WWC1: variants seen among roughly 807,000 people sequenced by gnomAD.
WWC1 encodes protein KIBRA.
WWC1 carries 55 observed loss-of-function variants against 138.4 expected under a neutral mutation model. The observed-to-expected ratio is 0.40, with a 90% confidence interval of 0.32 to 0.50. The LOEUF is 0.50. WWC1 is among the 20% of genes least tolerant of loss of function. The probability of loss-of-function intolerance (pLI) is 0.72; values close to 1 mark genes in which losing one functional copy is unlikely to be tolerated. For synonymous variants in WWC1, 524 were observed against 564.9 expected, an observed-to-expected ratio of 0.93 and a Z score of 1.03; for missense variants, 1,226 against 1,420.4, an observed-to-expected ratio of 0.86 and a Z score of 2.20.
chr5:168,461,569 T>A (rs1214406890), intron 20 of WWC1, among the ~76,000 whole-genome samples: 1 of 152,142 alleles, frequency 6.6e-6, no homozygotes, highest in Non-Finnish European at 1.5e-5. Flanking sequence ...AAGTCTCGCC[T>A]TTCCTAGTGG....
At chr5:168,393,115 G>GA (rs918388173) in intron 3 of WWC1, among the ~76,000 whole-genome samples, 123 of 150,222 alleles carry the variant, frequency 8.2e-4, no homozygotes, top group Middle Eastern at 3.4e-3. Flanking sequence ...AAAATAAGAG[G>GA]AAAAAAAAAT....
At chr5:168,304,685 G>C (rs1770392486) in intron 1 of WWC1, among the ~76,000 whole-genome samples, 1 of 152,166 alleles carries the variant, frequency 6.6e-6, no homozygotes, top group Non-Finnish European at 1.5e-5. Flanking sequence ...GCCCACTCAA[G>C]TCTGTAAACC....
intron 1 of WWC1, among the ~76,000 whole-genome samples, chr5:168,340,519 CT>C (rs576189869): frequency 4.3e-4 from 66 of 151,882 alleles, no homozygotes; most frequent in African/African-American, 1.5e-3. Flanking sequence ...TAGACAACCA[CT>C]AATATACTTT....
Position 168,357,243 on chromosome 5 carries a change from C to T in WWC1, c.120-14181C>T, listed in dbSNP as rs1775494452. ...TCATTTGGTGCCCACTCATAAGATG[C>T]TGAGGTTACAACTGTTAATAAGATA... is the stretch of plus-strand genomic sequence containing the variant. On this transcript the variant is annotated intron_variant, in intron 1 of 22. Transcript: ENST00000265293. Among the ~76,000 whole-genome samples the T allele has an allele frequency of 2.0e-5, 3 of 151,760 alleles. 1 individual carries two copies. The South Asian group carries it at 6.3e-4, about 32-fold the overall frequency.
At chr5:168,369,658 T>A (rs916134780) in intron 1 of WWC1, among the ~76,000 whole-genome samples, 1 of 152,196 alleles carries the variant, frequency 6.6e-6, no homozygotes, top group Non-Finnish European at 1.5e-5. Context: ...TAAATTACTA[T>A]CAGAAGCTTT....
intron 1 of WWC1, among the ~76,000 whole-genome samples, chr5:168,307,382 A>G (rs894583894): frequency 5.3e-5 from 8 of 151,964 alleles, no homozygotes; most frequent in Admixed American, 3.9e-4. Flanking sequence ...CACTGCTGTG[A>G]TTCCTTCATT....
At chr5:168,427,548 A>ATTTTTTTTTTTTTTTTTTTTTT (rs34177139) in intron 11 of WWC1, among the ~76,000 whole-genome samples, 1 of 101,150 alleles carries the variant, frequency 9.9e-6, no homozygotes, top group Non-Finnish European at 1.9e-5. Flanking sequence ...CTTTTTTTTA[A>ATTTTTTTTTTTTTTTTTTTTTT]TTTTTTTTTT....
At chr5:168,339,946 TCCCC>T (rs1253450008) in intron 1 of WWC1, among the ~76,000 whole-genome samples, 1 of 129,176 alleles carries the variant, frequency 7.7e-6, no homozygotes, top group East Asian at 2.9e-4. Flanking sequence ...TCTCTCTCTC[TCCCC>T]CTCTCCCTCT....
chr5:168,414,629 C>A (rs1376506810), intron 9 of WWC1, 39 bp downstream of exon 9: 6 of 1,517,638 alleles, frequency 4.0e-6, no homozygotes, highest in African/African-American at 1.4e-5. Context: ...ACCCTTCTCT[C>A]ACTGGCAGTC....
In WWC1 at chr5:168,409,985, G is replaced by A; in HGVS notation, c.931G>A (p.Ala311Thr). ...KVRLRLRYEE[A>T]KRRIANLKIQ... ...CAGATTGCGCCTTCGATATGAAGAG[G>A]CTAAGAGAAGGTAATTGGGCTGGGG... The change falls in exon 8 of 23, where the codon GCT becomes ACT. Residue 311 changes from alanine to threonine, a missense_variant. Ala to Thr is a moderately conservative substitution (Grantham distance 58). This residue lies in a region of WWC1 where 1,016 missense variants were observed against 1,153.9 expected (regional missense o/e 0.88). Coordinates refer to ENST00000265293, the MANE Select transcript of WWC1 (RefSeq NM_015238.3). 1 of 1,613,826 alleles carries A rather than the reference G, an allele frequency of 6.2e-7. No homozygotes were observed. Among genetic ancestry groups the A allele is most frequent in the Non-Finnish European group, 8.5e-7 (1 of 1,179,888 alleles).
rs1392312388 is a variant in WWC1 at position 168,371,405 on chromosome 5, T to G, written c.120-19T>G. 6.2e-7 allele frequency: 1 copy of G among 1,600,770 alleles called. No homozygotes were observed. The highest frequency in any genetic ancestry group is 1.3e-5 in the African/African-American group (1 of 74,746). ...GGGACTGTAGGCTGATGGAGTCTGTTTCTCCTCTCCCTTGCCAGGTACACC... is the reference window on the plus strand; with the variant it reads ...GGGACTGTAGGCTGATGGAGTCTGTGTCTCCTCTCCCTTGCCAGGTACACC... On this transcript the variant is annotated intron_variant, in intron 1 of 22. Transcript: ENST00000265293.
chr5:168,338,074 G>A (rs891981936), intron 1 of WWC1, among the ~76,000 whole-genome samples: 9 of 152,074 alleles, frequency 5.9e-5, no homozygotes, highest in Admixed American at 1.3e-4. Flanking sequence ...ACTTTGGGAG[G>A]CCAAGGTGGG....
intron 20 of WWC1, among the ~76,000 whole-genome samples, chr5:168,463,651 G>T (rs901213828): frequency 6.6e-6 from 1 of 152,188 alleles, no homozygotes; most frequent in Non-Finnish European, 1.5e-5. Context: ...GAGAGTTAAT[G>T]ATTGTATTAA....
intron 15 of WWC1, among the ~76,000 whole-genome samples, chr5:168,440,210 A>G (rs1387953570): frequency 6.6e-6 from 1 of 152,236 alleles, no homozygotes; most frequent in Non-Finnish European, 1.5e-5. Context: ...AAGATGTTCA[A>G]CATTACTAGT....
chr5:168,384,611 A>G (rs73390800), intron 2 of WWC1, among the ~76,000 whole-genome samples: 2,336 of 151,972 alleles, frequency 0.015, 55 homozygotes, highest in African/African-American at 0.048. Context: ...AGCATCTCTA[A>G]TGTCCTTGAG....
chr5:168,457,185 T>C (rs1202953662), intron 19 of WWC1, among the ~76,000 whole-genome samples: 1 of 150,530 alleles, frequency 6.6e-6, no homozygotes, highest in East Asian at 2.0e-4. Context: ...TATTTTTCCT[T>C]CTTTGCTTTC....
chr5:168,454,770 A>G (rs967353531), intron 18 of WWC1, among the ~76,000 whole-genome samples: 1 of 152,240 alleles, frequency 6.6e-6, no homozygotes, highest in Non-Finnish European at 1.5e-5. Flanking sequence ...TTCTCCAGCC[A>G]GTGGGCGTGC....
At chr5:168,334,389 C>T (rs1773287016) in intron 1 of WWC1, among the ~76,000 whole-genome samples, 1 of 152,196 alleles carries the variant, frequency 6.6e-6, no homozygotes, top group Non-Finnish European at 1.5e-5. Context: ...ACATTGCAAC[C>T]TTGTGCATTA....
At position 168,468,920 on chromosome 5, in the gene WWC1, C is replaced by T. The variant is rs770271681; in HGVS notation, c.3276-31C>T. The T allele has an allele frequency of 9.3e-6, 15 of 1,612,832 alleles. No homozygotes were observed. The South Asian group carries it at 1.5e-4, about 17-fold the overall frequency. On this transcript the variant is annotated intron_variant, in intron 22 of 22. Coordinates refer to ENST00000265293, the MANE Select transcript of WWC1 (RefSeq NM_015238.3). ...ATCTCTGTAGAGCGAGGTTGAAAAC[C>T]CCTGCTCTAAAGGGATGGCCTCTCT...
Sources: allele counts gnomAD v4.1 joint callset (sites outside exome capture counted in the v4.1 genomes callset), GRCh38; gene constraint gnomAD v4.1.1; regional missense constraint gnomAD v4.1.1; transcripts MANE v1.5; gene names NCBI Gene and HGNC (gene_info 2026-07-23, HGNC 2026-07-21).